Variants in PHLPP1 observed in about 807,000 individuals in gnomAD.
The protein encoded by PHLPP1 is PH domain leucine-rich repeat-containing protein phosphatase 1.
Under a neutral mutation model 117.2 loss-of-function variants are expected in PHLPP1, and 42 were observed. The observed-to-expected ratio is 0.36, with a 90% CI of 0.28 to 0.46. The LOEUF (loss-of-function observed/expected upper bound fraction) is 0.46, where lower values mean the gene tolerates loss of function less well. Among genes scored for constraint, PHLPP1 ranks in the 20% least tolerant of loss-of-function variants. The pLI is 1.00. For missense variants in PHLPP1, 2,084 were observed against 2,241.9 expected (o/e 0.93, Z 1.42); for synonymous variants, 1,042 against 970.7 (o/e 1.07, Z -1.37).
chr18:62,915,436 A>C (rs1909241583), intron 9 of PHLPP1, among the ~76,000 whole-genome samples: 1 of 152,216 alleles, frequency 6.6e-6, no homozygotes, highest in Admixed American at 6.5e-5. Flanking sequence ...TGGTTAGGTC[A>C]TGAAACCTAG....
At chr18:62,951,592 GCC>G (rs1910459017) in intron 12 of PHLPP1, among the ~76,000 whole-genome samples, 1 of 152,106 alleles carries the variant, frequency 6.6e-6, no homozygotes, top group Non-Finnish European at 1.5e-5. Context: ...TCTGGGAGAT[GCC>G]TGGAATCACT....
rs940147301 is a variant in PHLPP1 at position 62,969,597 on chromosome 18, G to T, written c.3561-2917G>T. ...TGATGATTGAGAGGCTATGAATATG[G>T]ATTTGTCTGTTTCTCCTTGTAGTTC... On this transcript the variant is annotated intron_variant, in intron 14 of 16. Coordinates refer to ENST00000262719, the MANE Select transcript of PHLPP1 (RefSeq NM_194449.4). 2.6e-5 allele frequency among the ~76,000 whole-genome samples: 4 copies of T among 152,132 alleles called. No homozygotes were observed. In the East Asian group the frequency reaches 7.7e-4, roughly 29 times the overall value.
chr18:62,856,118 G>A (rs1915491348), intron 3 of PHLPP1, among the ~76,000 whole-genome samples: 1 of 152,150 alleles, frequency 6.6e-6, no homozygotes. Context: ...AACACGGAGG[G>A]CTGAGTGTAC....
intron 3 of PHLPP1, among the ~76,000 whole-genome samples, chr18:62,856,691 C>T (rs995662544): frequency 4.6e-5 from 7 of 152,224 alleles, no homozygotes; most frequent in Non-Finnish European, 1.0e-4. Flanking sequence ...ACCCCAGCCT[C>T]CCAAAGTGCT....
intron 1 of PHLPP1, among the ~76,000 whole-genome samples, chr18:62,790,528 G>C (rs1221727965): frequency 6.6e-6 from 1 of 152,122 alleles, no homozygotes; most frequent in Admixed American, 6.5e-5. Context: ...AAATTCTTGG[G>C]CATCTATAAA....
intron 12 of PHLPP1, among the ~76,000 whole-genome samples, chr18:62,948,111 G>A (rs1011117535): frequency 6.6e-6 from 1 of 152,092 alleles, no homozygotes. Flanking sequence ...GATCACCTGA[G>A]GTCAGGCTTT....
chr18:62,842,403 G>C (rs554882412), intron 3 of PHLPP1, among the ~76,000 whole-genome samples: 2 of 151,074 alleles, frequency 1.3e-5, no homozygotes, highest in African/African-American at 2.4e-5. Context: ...TTGCTCTGTC[G>C]CTGAGCCTGG....
chr18:62,955,666 C>T (rs1167399377), intron 12 of PHLPP1, among the ~76,000 whole-genome samples: 2 of 152,132 alleles, frequency 1.3e-5, no homozygotes, highest in Non-Finnish European at 2.9e-5. Context: ...ATTAGTTACC[C>T]TACTGAACTC....
Position 62,860,429 on chromosome 18 carries a change from C to T in PHLPP1, c.1900-6C>T. ...GGTATTAAAATTAAGTTTTATCCCCCTTTAGGTTGCATCCCAGCGCATTAG... is the reference window on the plus strand; with the variant it reads ...GGTATTAAAATTAAGTTTTATCCCCTTTTAGGTTGCATCCCAGCGCATTAG... On this transcript the variant is annotated splice_polypyrimidine_tract_variant and splice_region_variant and intron_variant, in intron 3 of 16. Transcript: ENST00000262719. 6.2e-7 allele frequency: 1 copy of T among 1,613,290 alleles called. No homozygotes were observed. The highest frequency in any genetic ancestry group is 8.5e-7 in the Non-Finnish European group (1 of 1,179,412).
chr18:62,836,335 G>A (rs1914895209), intron 2 of PHLPP1, among the ~76,000 whole-genome samples: 1 of 151,590 alleles, frequency 6.6e-6, no homozygotes, highest in African/African-American at 2.4e-5. Flanking sequence ...GGGAGGCTGA[G>A]GCAGGAGAAT....
chr18:62,809,700 C>CAA (rs78550251), intron 1 of PHLPP1, among the ~76,000 whole-genome samples: 1 of 138,682 alleles, frequency 7.2e-6, no homozygotes. Flanking sequence ...GACTCCATCT[C>CAA]AAAAAAAAAA....
chr18:62,977,387 C>T (rs1911219327), intron 16 of PHLPP1, among the ~76,000 whole-genome samples: 1 of 121,240 alleles, frequency 8.2e-6, no homozygotes, highest in Non-Finnish European at 1.6e-5. Context: ...ACCTGAGAAT[C>T]TCAAAATTTG....
At chr18:62,733,430 A>T (rs935424368) in intron 1 of PHLPP1, among the ~76,000 whole-genome samples, 2 of 152,242 alleles carry the variant, frequency 1.3e-5, no homozygotes, top group Non-Finnish European at 2.9e-5. Flanking sequence ...ATAACTTTTT[A>T]TATGCGCTAG....
intron 10 of PHLPP1, among the ~76,000 whole-genome samples, chr18:62,937,971 G>T (rs1419975937): frequency 2.6e-5 from 4 of 152,050 alleles, no homozygotes; most frequent in African/African-American, 9.7e-5. Context: ...AAATGCCACT[G>T]CATTCCAGCC....
chr18:62,835,209 CT>C (rs564281869), intron 2 of PHLPP1, among the ~76,000 whole-genome samples: 86 of 141,316 alleles, frequency 6.1e-4, no homozygotes, highest in African/African-American at 1.0e-3. Context: ...TTTTTTTTTC[CT>C]TTTTTTTTTT....
At chr18:62,762,975 G>A (rs1366940858) in intron 1 of PHLPP1, among the ~76,000 whole-genome samples, 3 of 152,292 alleles carry the variant, frequency 2.0e-5, no homozygotes, top group Admixed American at 1.3e-4. Context: ...AATATAAATT[G>A]TAAAATATCT....
rs765574072 is a variant in PHLPP1, at chr18:62,972,667, CGAA to C, written c.3721_3723del (p.Glu1241del). The C allele has an allele frequency of 9.9e-6, 16 of 1,613,710 alleles. No individual in the cohort carries two copies. Among genetic ancestry groups the C allele is most frequent in the African/African-American group, 4.0e-5 (3 of 75,028 alleles). ...CTGAAGAGCTGCAAAAAACAAAAAA[CGAA>C]GAAGAATACATGGTCAATACATTCA... On this transcript the variant is annotated inframe_deletion, in exon 15 of 17. Coordinates refer to ENST00000262719, the MANE Select transcript of PHLPP1 (RefSeq NM_194449.4).
At chr18:62,853,650 G>A (rs1296867590) in intron 3 of PHLPP1, among the ~76,000 whole-genome samples, 1 of 152,184 alleles carries the variant, frequency 6.6e-6, no homozygotes, top group African/African-American at 2.4e-5. Context: ...GATTACAGGC[G>A]TGAGCCTCTG....
At chr18:62,811,566 T>G (rs544899617) in intron 1 of PHLPP1, among the ~76,000 whole-genome samples, 2 of 151,878 alleles carry the variant, frequency 1.3e-5, no homozygotes, top group South Asian at 4.1e-4. Context: ...TTTAACTTCC[T>G]TTTCTTTTAA....
Sources: gnomAD v4.1 joint callset for allele counts (sites outside exome capture counted in the v4.1 genomes callset) on GRCh38, gnomAD v4.1.1 for gene constraint, MANE v1.5 for transcripts, NCBI Gene and HGNC (gene_info 2026-07-23, HGNC 2026-07-21) for gene names.